LONP1: variants seen among roughly 807,000 people sequenced by gnomAD.
LONP1 encodes lon protease homolog, mitochondrial.
LONP1 carries 31 observed loss-of-function variants against 98.5 expected under a neutral mutation model. That is an observed-to-expected ratio of 0.31 (90% CI 0.24 to 0.42). LONP1 has a LOEUF of 0.42. Ranked by LOEUF, LONP1 falls within the 20% of genes least tolerant of loss-of-function variation. The pLI, the probability that LONP1 is intolerant of heterozygous loss-of-function variation, is 1.00. For synonymous variants in LONP1, 781 were observed against 594.7 expected (o/e 1.31, Z -4.56); for missense variants, 1,336 against 1,350.6 (o/e 0.99, Z 0.17).
chr19:5,714,091 G>T (rs1392537433), intron 2 of LONP1, 92 bp downstream of exon 2: 6 of 950,354 alleles, frequency 6.3e-6, no homozygotes, highest in Non-Finnish European at 8.0e-6. Flanking sequence ...CTCGGGGTCA[G>T]GGGTCAAAGG....
intron 1 of LONP1, among the ~76,000 whole-genome samples, chr19:5,718,477 CAAAA>C (rs368724850): frequency 5.0e-5 from 5 of 101,006 alleles, no homozygotes; most frequent in African/African-American, 7.4e-5. Context: ...AACTTGGTCT[CAAAA>C]AAAAAAAAAA....
chr19:5,703,244 G>C (rs1294888801), intron 8 of LONP1, among the ~76,000 whole-genome samples: 1 of 152,088 alleles, frequency 6.6e-6, no homozygotes, highest in East Asian at 1.9e-4. Context: ...CAGGAAGGAG[G>C]AGATGGCCGG....
chr19:5,700,217 G>A lies in LONP1; in HGVS notation c.1506+572C>T, dbSNP rs370211823. 2.6e-5 allele frequency among the ~76,000 whole-genome samples: 4 copies of A among 152,052 alleles called. No individual in the cohort carries two copies. The East Asian group carries it at 7.7e-4, about 29-fold the overall frequency. ...CAACCTCTGGCTCCTGGGTTCAAGC[G>A]ATTCTCCTGCCTCAGCCTCCCAAGT... is the stretch of plus-strand genomic sequence containing the variant. On this transcript the variant is annotated intron_variant, in intron 9 of 17. Transcript: ENST00000360614.
Position 5,699,097 on chromosome 19 carries a change from C to T in LONP1, c.1615G>A (p.Ala539Thr), listed in dbSNP as rs1250280079. ...KTSIARSIAR[A>T]LNREYFRFSV... ...AAGCGGAAGTACTCTCGGTTCAGGG[C>T]GCGGGCGATGGAGCGAGCAATGCTG... Residue 539 changes from alanine (A) to threonine (T), a missense_variant, in exon 10 of 18, where the codon GCC becomes ACC. Coordinates refer to ENST00000360614, the MANE Select transcript of LONP1 (RefSeq NM_004793.4). The T allele has an allele frequency of 2.0e-5, 32 of 1,604,948 alleles. No homozygotes were observed. The highest frequency in any genetic ancestry group is 5.0e-5 in the Admixed American group (3 of 59,518).
chr19:5,696,216 C>T, intron 12 of LONP1, 33 bp downstream of exon 12: 1 of 1,612,812 alleles, frequency 6.2e-7, no homozygotes, highest in Non-Finnish European at 8.5e-7. Context: ...CTTACCCTCC[C>T]CAGCAAGCCC....
At chr19:5,700,529 G>A (rs548190932) in intron 9 of LONP1, among the ~76,000 whole-genome samples, 9 of 152,282 alleles carry the variant, frequency 5.9e-5, no homozygotes, top group Non-Finnish European at 8.8e-5. Flanking sequence ...TGATCCTCCC[G>A]CCTCAGCCTC....
chr19:5,691,862 G>T lies in LONP1; in HGVS notation c.*170C>A. 1.2e-6 allele frequency: 1 copy of T among 814,404 alleles called. No homozygotes were observed. The highest frequency in any genetic ancestry group is 1.9e-6 in the Non-Finnish European group (1 of 527,492). 50.4% of individuals were successfully genotyped at this position (814,404 alleles called of 1,614,324 possible). A position where few individuals can be genotyped will look rare whatever the true frequency, so the allele number is the denominator to read the frequency against. On this transcript the variant is annotated 3_prime_UTR_variant, in exon 18 of 18. Coordinates refer to ENST00000360614, the MANE Select transcript of LONP1 (RefSeq NM_004793.4). ...TGCAAATGACTTTAATCATTAAATA[G>T]CTTCTATGCCACACTCTGATTAAGC...
chr19:5,707,545 C>T (rs969002651), intron 6 of LONP1, 152 bp downstream of exon 6: 21 of 787,460 alleles, frequency 2.7e-5, no homozygotes, highest in African/African-American at 1.2e-4. Flanking sequence ...GCCAGGGACA[C>T]ACAGCTGGGT....
In LONP1 at chr19:5,693,378, G is replaced by T. The variant is rs1238085310; in HGVS notation, c.2623C>A (p.Gln875Lys). 3.7e-6 allele frequency: 6 copies of T among 1,613,210 alleles called. No individual in the cohort carries two copies. The highest frequency in any genetic ancestry group is 5.1e-6 in the Non-Finnish European group (6 of 1,179,876). Residue 875 changes from glutamine (Q) to lysine (K), a missense_variant, in exon 17 of 18, where the codon CAG (glutamine) becomes AAG (lysine). This residue lies in a region of LONP1 where 555 missense variants were observed against 542.6 expected (regional missense o/e 1.02). Coordinates refer to ENST00000360614, the MANE Select transcript of LONP1 (RefSeq NM_004793.4). ...LSLAMGRPVR[Q>K]NLAMTGEVSL... Reference sequence around the variant, plus strand: ...ACTTCGCCAGTCATGGCCAGATTCTGCCGGACAGGCCTGCCCATGGCCAGG... The same window carrying T: ...ACTTCGCCAGTCATGGCCAGATTCTTCCGGACAGGCCTGCCCATGGCCAGG...
chr19:5,707,000 A>G, intron 7 of LONP1, 60 bp downstream of exon 7: 1 of 1,395,476 alleles, frequency 7.2e-7, no homozygotes, highest in South Asian at 1.2e-5. Context: ...AGCCTGACTG[A>G]TGTCACGTGG....
chr19:5,719,312 C>T (rs2055383988), intron 1 of LONP1, among the ~76,000 whole-genome samples: 1 of 152,200 alleles, frequency 6.6e-6, no homozygotes, highest in Non-Finnish European at 1.5e-5. Context: ...GAATTCTGAT[C>T]CCAGTGAGGC....
In LONP1 at chr19:5,692,158, C is replaced by G. The variant is rs1417213809; in HGVS notation, c.2754G>C (p.Lys918Asn). The change falls in exon 18 of 18, where the codon AAG becomes AAC. Residue 918 changes from lysine to asparagine, a missense_variant. Physicochemically the swap from Lys to Asn is moderately conservative, Grantham distance 94. Coordinates refer to ENST00000360614, the MANE Select transcript of LONP1 (RefSeq NM_004793.4). ...TCIVLPAENKKDFYDLAAFIT... is the reference protein window; with the variant it reads ...TCIVLPAENKNDFYDLAAFIT... ...TGAAGGCTGCCAGGTCGTAGAAGTC[C>G]TTCTTGTTCTCGGCTGGCAGGACGA... 6.2e-7 allele frequency: 1 copy of G among 1,613,958 alleles called. No homozygotes were observed. Among genetic ancestry groups the G allele is most frequent in the Non-Finnish European group, 8.5e-7 (1 of 1,179,960 alleles).
chr19:5,717,296 G>T (rs1218943803), intron 1 of LONP1: 4 of 152,114 alleles, frequency 2.6e-5, no homozygotes, highest in Admixed American at 2.6e-4. Context: ...CATTTATTGG[G>T]TCCCAAAGAA....
At chr19:5,694,674 T>C (rs543439914) in intron 14 of LONP1, 87 bp downstream of exon 14, 1 of 1,563,962 alleles carries the variant, frequency 6.4e-7, no homozygotes. Context: ...CGCAGGAAAG[T>C]GGGATGATGG....
chr19:5,707,413 T>TAC (rs1264349483), intron 6 of LONP1, among the ~76,000 whole-genome samples: 1 of 152,034 alleles, frequency 6.6e-6, no homozygotes, highest in Admixed American at 6.6e-5. Flanking sequence ...ACGCCCCGGG[T>TAC]ACACGGCCCA....
At position 5,696,433 on chromosome 19, in the gene LONP1, G is replaced by A. The variant is rs764628181; in HGVS notation, c.1774-62C>T. ...GCCCCTGGCCAGCCCGCCCAGTGGG[G>A]AGACCCCAGGGTCAGGGCTGGGGAG... On this transcript the variant is annotated intron_variant, in intron 11 of 17. Coordinates refer to ENST00000360614, the MANE Select transcript of LONP1 (RefSeq NM_004793.4). 4.6e-4 allele frequency: 728 copies of A among 1,571,716 alleles called. 2 individuals carry two copies. Among genetic ancestry groups the A allele is most frequent in the Non-Finnish European group, 6.0e-4 (693 of 1,151,868 alleles).
chr19:5,711,620 CTA>C, intron 4 of LONP1, 149 bp downstream of exon 4: 1 of 642,012 alleles, frequency 1.6e-6, no homozygotes, highest in Non-Finnish European at 2.7e-6. Context: ...AAAGCACCCT[CTA>C]TGTTCCATTA....
chr19:5,713,457 C>A (rs1347741185), intron 2 of LONP1, among the ~76,000 whole-genome samples: 2 of 152,184 alleles, frequency 1.3e-5, no homozygotes, highest in Non-Finnish European at 2.9e-5. Context: ...GGTCACAGGA[C>A]CGGGTGGGTG....
chr19:5,710,251 A>AT (rs968637704), intron 4 of LONP1, among the ~76,000 whole-genome samples: 161 of 150,558 alleles, frequency 1.1e-3, no homozygotes, highest in Middle Eastern at 3.4e-3. Flanking sequence ...CACCTGGCTA[A>AT]TTTTTTTTTG....
Sources: allele counts gnomAD v4.1 joint callset (sites outside exome capture counted in the v4.1 genomes callset), GRCh38; gene constraint gnomAD v4.1.1; regional missense constraint gnomAD v4.1.1; transcripts MANE v1.5; gene names NCBI Gene and HGNC (gene_info 2026-07-23, HGNC 2026-07-21).